ABAT: variants seen among roughly 807,000 people sequenced by gnomAD.
ABAT encodes 4-aminobutyrate aminotransferase, also known as 4-aminobutyrate aminotransferase, mitochondrial.
ABAT carries 45 observed loss-of-function variants against 64.6 expected under a neutral mutation model. The observed-to-expected ratio is 0.70, with a 90% CI of 0.55 to 0.89. The LOEUF (loss-of-function observed/expected upper bound fraction) is 0.89, where lower values mean the gene tolerates loss of function less well. ABAT is among the 40% of genes least tolerant of loss of function. The probability of loss-of-function intolerance (pLI) is 0.00; values close to 1 mark genes in which losing one functional copy is unlikely to be tolerated. For missense variants in ABAT, 633 were observed against 658.4 expected, an observed-to-expected ratio of 0.96 and a Z score of 0.42; for synonymous variants, 297 against 250.5, an observed-to-expected ratio of 1.19 and a Z score of -1.75.
At chr16:8,702,277 T>G (rs1243920237) in intron 1 of ABAT, among the ~76,000 whole-genome samples, 1 of 151,812 alleles carries the variant, frequency 6.6e-6, no homozygotes, top group Non-Finnish European at 1.5e-5. Context: ...TTTTTTTTTT[T>G]TCTTTTGGTG....
At chr16:8,737,134 CAGT>C (rs1392666181) in intron 2 of ABAT, 1 of 152,218 alleles carries the variant, frequency 6.6e-6, no homozygotes, top group Non-Finnish European at 1.5e-5. Context: ...GTGGCATAAA[CAGT>C]AGGAGCGTTC....
At chr16:8,689,163 T>G (rs1243704904) in intron 1 of ABAT, among the ~76,000 whole-genome samples, 1 of 152,204 alleles carries the variant, frequency 6.6e-6, no homozygotes, top group Non-Finnish European at 1.5e-5. Flanking sequence ...GCCTTTCATA[T>G]TTATCTCCAG....
intron 1 of ABAT, among the ~76,000 whole-genome samples, chr16:8,706,570 C>T (rs9928478): frequency 0.68 from 103,691 of 151,770 alleles, 36,268 homozygotes; most frequent in East Asian, 0.85. Flanking sequence ...AAAAATTAGC[C>T]GGGTGTGGTG....
Position 8,781,545 on chromosome 16 carries a change from G to A in ABAT, c.*115G>A. On this transcript the variant is annotated 3_prime_UTR_variant, in exon 16 of 16. Transcript: ENST00000268251. This position sits in a 1 kb window ranked among gnomAD's most constrained non-coding sequence, Gnocchi z 4.5. ...ATCAGAGGTGAATGCACAGTGAAGG[G>A]TGATTTGTGGGGAGGGAGCATTTTT... 1.5e-6 allele frequency: 2 copies of A among 1,355,930 alleles called. No homozygotes were observed. The highest frequency in any genetic ancestry group is 2.0e-6 in the Non-Finnish European group (2 of 987,188). The allele number at this position is 1,355,930 out of a possible 1,614,324, so 84.0% of individuals were successfully genotyped here. A position where few individuals can be genotyped will look rare whatever the true frequency, so the allele number is the denominator to read the frequency against.
At chr16:8,688,704 C>T (rs1197855788) in intron 1 of ABAT, among the ~76,000 whole-genome samples, 1 of 152,156 alleles carries the variant, frequency 6.6e-6, no homozygotes, top group African/African-American at 2.4e-5. Flanking sequence ...CCTCCCATCT[C>T]AGCCTCCTGA....
At position 8,751,453 on chromosome 16, in the gene ABAT, G is replaced by A. The variant is rs1384871051; in HGVS notation, c.316+914G>A. Among the ~76,000 whole-genome samples, 7 of 152,064 alleles carry A rather than the reference G, an allele frequency of 4.6e-5. No homozygotes were observed. The East Asian group carries it at 1.3e-3, about 29-fold the overall frequency. ...GCTCTCAGGAGAAAGGGGAGGAAAG[G>A]AAACAGCCTGGGGCAGGGGGAATAA... On this transcript the variant is annotated intron_variant, in intron 5 of 15. Coordinates refer to ENST00000268251, the MANE Select transcript of ABAT (RefSeq NM_020686.6).
At chr16:8,700,153 C>T (rs76723690) in intron 1 of ABAT, among the ~76,000 whole-genome samples, 3,582 of 152,128 alleles carry the variant, frequency 0.024, 77 homozygotes, top group East Asian at 0.11. Context: ...TTGTCCTGAA[C>T]GCACACTGTG....
rs1429506432 is a variant in ABAT at position 8,764,897 on chromosome 16, C to T, written c.540+67C>T. ...CCAGCACCCAGCCACACGCTCACCC[C>T]TTGTCTGACTGTTCATTCCAATGGG... On this transcript the variant is annotated intron_variant, in intron 8 of 15. Transcript: ENST00000268251. This position sits in a 1 kb window ranked among gnomAD's most constrained non-coding sequence, Gnocchi z 4.2. The T allele has an allele frequency of 2.2e-6, 3 of 1,379,092 alleles. No homozygotes were observed. The highest frequency in any genetic ancestry group is 3.4e-5 in the Admixed American group (2 of 59,180). The allele number at this position is 1,379,092 out of a possible 1,614,324, so 85.4% of individuals were successfully genotyped here.
chr16:8,763,238 A>C (rs1347122570), intron 6 of ABAT, among the ~76,000 whole-genome samples: 1 of 152,080 alleles, frequency 6.6e-6, no homozygotes, highest in South Asian at 2.1e-4. Context: ...CCTAGATCCG[A>C]GTTGTGGTTC....
intron 2 of ABAT, among the ~76,000 whole-genome samples, chr16:8,737,749 C>A (rs576041892): frequency 7.1e-6 from 1 of 140,080 alleles, no homozygotes; most frequent in South Asian, 2.3e-4. Flanking sequence ...ATGGTGAAAC[C>A]TCATCTCTAC....
intron 1 of ABAT, among the ~76,000 whole-genome samples, chr16:8,726,079 G>A (rs6497565): frequency 1.3e-5 from 2 of 151,778 alleles, no homozygotes; most frequent in African/African-American, 2.4e-5. Flanking sequence ...CATTCAACCC[G>A]CCACTACCCT....
Position 8,737,987 on chromosome 16 carries a change from AGGAG to A in ABAT, c.70+2180_70+2183del, listed in dbSNP as rs1414794773. ...AAGGAAGGAAGGAAGGAAGGAAGGA[AGGAG>A]GAAAGAAAGAAAGAAAGAAAGAAAG... On this transcript the variant is annotated intron_variant, in intron 2 of 15. Transcript: ENST00000268251. Among the ~76,000 whole-genome samples, 144 of 62,780 alleles carry A rather than the reference AGGAG, an allele frequency of 2.3e-3. 17 individuals carry two copies. Among genetic ancestry groups the A allele is most frequent in the African/African-American group, 4.9e-3 (61 of 12,576 alleles). The allele number at this position is 62,780 out of a possible 152,430, so 41.2% of individuals were successfully genotyped here.
At chr16:8,733,207 T>A (rs1476339654) in intron 1 of ABAT, among the ~76,000 whole-genome samples, 1 of 127,266 alleles carries the variant, frequency 7.9e-6, no homozygotes, top group South Asian at 2.7e-4. Flanking sequence ...GGCTGCCGGG[T>A]GGAGGGGCTC....
intron 1 of ABAT, among the ~76,000 whole-genome samples, chr16:8,731,217 C>G (rs539518896): frequency 1.3e-5 from 2 of 152,278 alleles, no homozygotes; most frequent in South Asian, 4.1e-4. Flanking sequence ...CCTGCCTTGG[C>G]CTCCCAAAAT....
chr16:8,679,519 T>G, intron 1 of ABAT, among the ~76,000 whole-genome samples: 2 of 95,544 alleles, frequency 2.1e-5, no homozygotes, highest in African/African-American at 3.7e-5. Flanking sequence ...GGAAAAAACA[T>G]GAAAGCCAAA....
At chr16:8,690,209 C>T (rs958087294) in intron 1 of ABAT, among the ~76,000 whole-genome samples, 6 of 152,320 alleles carry the variant, frequency 3.9e-5, no homozygotes, top group Non-Finnish European at 7.3e-5. Flanking sequence ...CTGCCTGGCA[C>T]CATCTCAGGT....
chr16:8,730,429 A>C (rs1409437790), intron 1 of ABAT, among the ~76,000 whole-genome samples: 1 of 151,984 alleles, frequency 6.6e-6, no homozygotes, highest in Non-Finnish European at 1.5e-5. Context: ...TCTCCACACT[A>C]TTCCTGCCCT....
Position 8,775,565 on chromosome 16 carries a change from T to TACAC in ABAT, c.1122+524_1122+527dup, listed in dbSNP as rs3069345. Among the ~76,000 whole-genome samples the TACAC allele has an allele frequency of 8.6e-3, 1,297 of 151,044 alleles. 16 individuals carry two copies. The highest frequency in any genetic ancestry group is 0.029 in the African/African-American group (1,214 of 41,156). On this transcript the variant is annotated intron_variant, in intron 13 of 15. Coordinates refer to ENST00000268251, the MANE Select transcript of ABAT (RefSeq NM_020686.6). ...GTACTGCCATGTGTGCATACAGATTTACACACACACACACACACAGCCATC... is the reference window on the plus strand; with the variant it reads ...GTACTGCCATGTGTGCATACAGATTTACACACACACACACACACACACAGCCATC...
intron 1 of ABAT, among the ~76,000 whole-genome samples, chr16:8,719,312 C>T (rs1428487358): frequency 1.3e-5 from 2 of 152,214 alleles, no homozygotes; most frequent in Non-Finnish European, 2.9e-5. Flanking sequence ...TTTCACTCCT[C>T]CTCCCTTGTA....
Sources: gnomAD v4.1 joint callset for allele counts (sites outside exome capture counted in the v4.1 genomes callset) on GRCh38, gnomAD v4.1.1 for gene constraint, Gnocchi (gnomAD v3.1) non-coding constraint, MANE v1.5 for transcripts, NCBI Gene and HGNC (gene_info 2026-07-23, HGNC 2026-07-21) for gene names.